Variants in MYH15 observed in about 807,000 individuals in gnomAD.
The protein encoded by MYH15 is myosin-15.
A neutral mutation model predicts 240.5 loss-of-function variants in MYH15; 227 were observed. The ratio of observed to expected loss-of-function variants is 0.94; its 90% CI spans 0.85 to 1.05. MYH15 has a LOEUF of 1.05. Ranked by LOEUF, MYH15 falls within the 50% of genes least tolerant of loss-of-function variation. The pLI, the probability that MYH15 is intolerant of heterozygous loss-of-function variation, is 0.00. For synonymous variants in MYH15, 785 were observed against 796.7 expected (o/e 0.99, Z 0.25); for missense variants, 2,217 against 2,247.5 (o/e 0.99, Z 0.27).
At chr3:108,394,235 T>C in intron 35 of MYH15, 79 bp from the exon 36 acceptor site, 1 of 1,582,620 alleles carries the variant, frequency 6.3e-7, no homozygotes, top group Non-Finnish European at 8.6e-7. Context: ...GGACATGCAA[T>C]GGGAGTCAGC....
chr3:108,392,131 G>C (rs1240181526), intron 36 of MYH15, among the ~76,000 whole-genome samples: 1 of 152,188 alleles, frequency 6.6e-6, no homozygotes. Flanking sequence ...GTAGCTACAG[G>C]AGAGAACAGG....
chr3:108,462,825 C>A (rs2083082452), intron 16 of MYH15, among the ~76,000 whole-genome samples: 1 of 151,568 alleles, frequency 6.6e-6, no homozygotes, highest in Admixed American at 6.6e-5. Flanking sequence ...AAGTTATTGC[C>A]CCAAAATCAT....
chr3:108,383,833 T>A, intron 39 of MYH15, 104 bp from the exon 40 acceptor site: 1 of 947,082 alleles, frequency 1.1e-6, no homozygotes, highest in Non-Finnish European at 1.5e-6. Context: ...GAAAAGAATC[T>A]AAACTTCTGA....
At chr3:108,435,490 C>A (rs556672504) in intron 25 of MYH15, among the ~76,000 whole-genome samples, 3 of 152,156 alleles carry the variant, frequency 2.0e-5, no homozygotes, top group African/African-American at 7.2e-5. Flanking sequence ...CAGCCCTTGG[C>A]AACCACTTTT....
At chr3:108,515,561 T>G (rs1357465548), upstream of MYH15, among the ~76,000 whole-genome samples, 23 of 152,222 alleles carry the variant, frequency 1.5e-4, no homozygotes, top group Admixed American at 1.5e-3. Context: ...TTTTTGTTAT[T>G]TGCCATCAAA....
intron 25 of MYH15, 131 bp from the exon 26 acceptor site, chr3:108,431,053 A>T (rs1325531474): frequency 1.5e-6 from 1 of 647,704 alleles, no homozygotes; most frequent in East Asian, 2.9e-5. Flanking sequence ...AATTACCCTG[A>T]TTTACTCATT....
intron 11 of MYH15, among the ~76,000 whole-genome samples, chr3:108,477,763 C>A (rs1282357587): frequency 6.6e-6 from 1 of 152,142 alleles, no homozygotes; most frequent in Admixed American, 6.6e-5. Context: ...AACAATAATA[C>A]TTACACCCCA....
chr3:108,472,979 G>GA (rs1330770867), intron 12 of MYH15, among the ~76,000 whole-genome samples: 4 of 151,724 alleles, frequency 2.6e-5, no homozygotes, highest in Admixed American at 6.6e-5. Flanking sequence ...AACAACAACA[G>GA]AAAAAAAATA....
At chr3:108,479,524 G>A (rs1368020927) in intron 11 of MYH15, among the ~76,000 whole-genome samples, 1 of 152,134 alleles carries the variant, frequency 6.6e-6, no homozygotes, top group Non-Finnish European at 1.5e-5. Flanking sequence ...TGCACACTGG[G>A]GTCCCTGGCA....
At chr3:108,434,103 AATAT>A (rs2082807998) in intron 25 of MYH15, among the ~76,000 whole-genome samples, 3 of 150,262 alleles carry the variant, frequency 2.0e-5, no homozygotes, top group African/African-American at 7.3e-5. Context: ...ATTTATATTA[AATAT>A]GTATTTAATA....
chr3:108,411,927 C>T (rs35163787), intron 30 of MYH15, among the ~76,000 whole-genome samples: 12,615 of 152,240 alleles, frequency 0.083, 578 homozygotes, highest in Middle Eastern at 0.1. Context: ...ACTCTGCCCC[C>T]GGCTTCCTAG....
chr3:108,444,816 TGAA>T lies in MYH15; in HGVS notation c.2476_2478del (p.Phe826del), dbSNP rs781128321. ...GAAGATTTAACAAGAGGCTTGATCTTGAAGAAGAGCCTCATCCAGGGCCAGTTC... is the reference window on the plus strand; with the variant it reads ...GAAGATTTAACAAGAGGCTTGATCTTGAAGAGCCTCATCCAGGGCCAGTTC... On this transcript the variant is annotated inframe_deletion, in exon 22 of 41. Transcript: ENST00000693548. The T allele has an allele frequency of 2.5e-6, 4 of 1,614,122 alleles. No individual in the cohort carries two copies. In the Admixed American group the frequency reaches 6.7e-5, roughly 27 times the overall value.
At chr3:108,499,161 A>G (rs1389662939) in intron 5 of MYH15, among the ~76,000 whole-genome samples, 1 of 152,122 alleles carries the variant, frequency 6.6e-6, no homozygotes, top group East Asian at 1.9e-4. Context: ...GACCATTTGG[A>G]ACAGTGTAGC....
At chr3:108,483,211 A>G (rs989200710) in intron 11 of MYH15, among the ~76,000 whole-genome samples, 10 of 151,876 alleles carry the variant, frequency 6.6e-5, no homozygotes, top group Admixed American at 1.3e-4. Context: ...ATAAAAAAAA[A>G]AAAAAAAAAA....
intron 9 of MYH15, 53 bp from the exon 10 acceptor site, chr3:108,486,579 A>G: frequency 8.1e-7 from 1 of 1,240,610 alleles, no homozygotes; most frequent in Non-Finnish European, 1.2e-6. Flanking sequence ...GCAAGGCCTT[A>G]GAAAATAATT....
Position 108,439,819 on chromosome 3 carries a change from G to A in MYH15, c.2993C>T (p.Thr998Ile), listed in dbSNP as rs1190529781. ...AKVVQEAHQQ[T>I]LDDLHMEEEK... Reference sequence around the variant, plus strand: ...CTCCTCCATGTGCAGGTCATCCAGGGTCTGCTGATGGGCCTCCTGCACAAC... The same window carrying A: ...CTCCTCCATGTGCAGGTCATCCAGGATCTGCTGATGGGCCTCCTGCACAAC... The change falls in exon 24 of 41, where the codon ACC (threonine) becomes ATC (isoleucine). Residue 998 changes from threonine (T) to isoleucine (I), a missense_variant. By Grantham distance (89) the Thr-to-Ile change is moderately conservative. Coordinates refer to ENST00000693548, the MANE Select transcript of MYH15 (RefSeq NM_014981.3). 6.2e-7 allele frequency: 1 copy of A among 1,613,406 alleles called. No homozygotes were observed. The highest frequency in any genetic ancestry group is 1.7e-5 in the Admixed American group (1 of 59,878).
chr3:108,444,419 C>T (rs2082910136), intron 22 of MYH15, among the ~76,000 whole-genome samples: 1 of 152,080 alleles, frequency 6.6e-6, no homozygotes, highest in African/African-American at 2.4e-5. Context: ...AGTAAAAACC[C>T]ATCTGATAAT....
intron 23 of MYH15, among the ~76,000 whole-genome samples, chr3:108,440,250 C>T (rs1255524447): frequency 2.0e-5 from 3 of 152,118 alleles, no homozygotes; most frequent in Admixed American, 2.0e-4. Context: ...AGTAACAACA[C>T]TAAAAGCAAT....
At chr3:108,421,329 A>G in intron 27 of MYH15, 115 bp from the exon 28 acceptor site, 3 of 1,206,602 alleles carry the variant, frequency 2.5e-6, no homozygotes, top group Non-Finnish European at 3.5e-6. Flanking sequence ...TTCTGTAGTA[A>G]AGAGCTCAGC....
Sources: gnomAD v4.1 joint callset for allele counts (sites outside exome capture counted in the v4.1 genomes callset) on GRCh38, gnomAD v4.1.1 for gene constraint, MANE v1.5 for transcripts, NCBI Gene and HGNC (gene_info 2026-07-23, HGNC 2026-07-21) for gene names.